GALNTL6: variants seen among roughly 807,000 people sequenced by gnomAD.
The protein encoded by GALNTL6 is polypeptide N-acetylgalactosaminyltransferase-like 6.
Under a neutral mutation model 73.7 loss-of-function variants are expected in GALNTL6, and 46 were observed. The observed-to-expected ratio is 0.62, with a 90% CI of 0.49 to 0.80. The LOEUF is 0.80. GALNTL6 is among the 30% of genes least tolerant of loss of function. GALNTL6 has a pLI of 0.00. For synonymous variants in GALNTL6, 259 were observed against 263.7 expected, an observed-to-expected ratio of 0.98 and a Z score of 0.17; for missense variants, 604 against 755.0, an observed-to-expected ratio of 0.80 and a Z score of 2.34.
At chr4:173,018,971 G>T (rs956280366) in intron 11 of GALNTL6, among the ~76,000 whole-genome samples, 2 of 152,220 alleles carry the variant, frequency 1.3e-5, no homozygotes. Flanking sequence ...GAAGGCAGAT[G>T]TGTGGTAACC....
intron 2 of GALNTL6, among the ~76,000 whole-genome samples, chr4:172,170,857 C>T (rs1483041200): frequency 6.6e-6 from 1 of 152,144 alleles, no homozygotes; most frequent in Non-Finnish European, 1.5e-5. Context: ...ACTACATGCA[C>T]TGAAAATGAG....
chr4:172,533,316 ATTTTTTTTTTTT>A (rs34973148), intron 5 of GALNTL6, among the ~76,000 whole-genome samples: 1 of 77,394 alleles, frequency 1.3e-5, no homozygotes, highest in African/African-American at 5.6e-5. Flanking sequence ...CCCGGCCAGA[ATTTTTTTTTTTT>A]TTTTTTTTTT....
At chr4:171,987,300 T>C (rs1400500737) in intron 2 of GALNTL6, among the ~76,000 whole-genome samples, 1 of 152,198 alleles carries the variant, frequency 6.6e-6, no homozygotes, top group South Asian at 2.1e-4. Context: ...TATAAAGGTT[T>C]GACTGAATAC....
chr4:172,388,814 C>G (rs1743562372), intron 5 of GALNTL6, among the ~76,000 whole-genome samples: 1 of 152,040 alleles, frequency 6.6e-6, no homozygotes, highest in Non-Finnish European at 1.5e-5. Context: ...TTAGTGTTAG[C>G]AACCTGCTTC....
intron 2 of GALNTL6, among the ~76,000 whole-genome samples, chr4:172,113,938 AT>A (rs1560928568): frequency 6.6e-6 from 1 of 152,102 alleles, no homozygotes; most frequent in East Asian, 1.9e-4. Flanking sequence ...AATCTCTTCA[AT>A]TTTGACAATG....
intron 5 of GALNTL6, among the ~76,000 whole-genome samples, chr4:172,665,503 A>G (rs1731611955): frequency 1.3e-5 from 2 of 152,240 alleles, no homozygotes; most frequent in East Asian, 3.8e-4. Context: ...GTAAAAAAGA[A>G]TTGATGATGG....
At chr4:172,658,072 C>T (rs1223155904) in intron 5 of GALNTL6, among the ~76,000 whole-genome samples, 7 of 96,644 alleles carry the variant, frequency 7.2e-5, no homozygotes, top group East Asian at 3.5e-4. Flanking sequence ...ATGGCGTGAA[C>T]CCGGGAGGCG....
intron 12 of GALNTL6, among the ~76,000 whole-genome samples, chr4:173,024,344 G>A (rs1487418377): frequency 6.6e-6 from 1 of 152,174 alleles, no homozygotes; most frequent in African/African-American, 2.4e-5. Flanking sequence ...AGCAAGCAAG[G>A]TATTTATACT....
At chr4:172,173,207 G>A (rs1734888129) in intron 2 of GALNTL6, among the ~76,000 whole-genome samples, 1 of 152,200 alleles carries the variant, frequency 6.6e-6, no homozygotes, top group Non-Finnish European at 1.5e-5. Flanking sequence ...CATTATCGGG[G>A]CAACATGTTT....
intron 7 of GALNTL6, among the ~76,000 whole-genome samples, chr4:172,838,445 C>G (rs924597527): frequency 6.6e-6 from 1 of 152,188 alleles, no homozygotes; most frequent in African/African-American, 2.4e-5. Context: ...GCAGAGGAGT[C>G]TTGCCCATGA....
chr4:172,041,511 G>A (rs1474016619), intron 2 of GALNTL6, among the ~76,000 whole-genome samples: 1 of 152,032 alleles, frequency 6.6e-6, no homozygotes, highest in African/African-American at 2.4e-5. Context: ...ACTGCTAGAG[G>A]AATTCAACAG....
At chr4:171,971,057 C>A (rs1739555245) in intron 2 of GALNTL6, among the ~76,000 whole-genome samples, 1 of 152,166 alleles carries the variant, frequency 6.6e-6, no homozygotes. Flanking sequence ...GAGGAGATGG[C>A]AATGTCTGCA....
chr4:172,469,002 TA>T (rs1260388173), intron 5 of GALNTL6, among the ~76,000 whole-genome samples: 1 of 152,174 alleles, frequency 6.6e-6, no homozygotes, highest in Non-Finnish European at 1.5e-5. Flanking sequence ...GACTTAATCC[TA>T]AGAATGGCAA....
At chr4:172,921,094 C>T (rs925643360) in intron 8 of GALNTL6, among the ~76,000 whole-genome samples, 13 of 151,870 alleles carry the variant, frequency 8.6e-5, no homozygotes, top group African/African-American at 1.2e-4. Flanking sequence ...AGATAATGCC[C>T]GAGGGTGACA....
chr4:171,946,671 A>G (rs554362339), intron 2 of GALNTL6, among the ~76,000 whole-genome samples: 1 of 152,324 alleles, frequency 6.6e-6, no homozygotes, highest in South Asian at 2.1e-4. Flanking sequence ...AAGAGATAAC[A>G]TACTTTGGAT....
chr4:172,396,721 C>A (rs1017242903), intron 5 of GALNTL6, among the ~76,000 whole-genome samples: 1 of 152,042 alleles, frequency 6.6e-6, no homozygotes, highest in East Asian at 1.9e-4. Context: ...ATTGTCAGGG[C>A]TTGTGTTAAA....
chr4:171,998,315 T>A (rs2110752929), intron 2 of GALNTL6, among the ~76,000 whole-genome samples: 1 of 152,270 alleles, frequency 6.6e-6, no homozygotes, highest in East Asian at 1.9e-4. Flanking sequence ...TGTGGAGGTC[T>A]AATGAGTCAA....
intron 2 of GALNTL6, among the ~76,000 whole-genome samples, chr4:172,006,716 A>G (rs6821510): frequency 0.94 from 142,335 of 152,094 alleles, 66,898 homozygotes; most frequent in East Asian, 1. Flanking sequence ...ATCTGACTCC[A>G]CAGTTATTTA....
At chr4:172,112,531 T>C (rs894561883) in intron 2 of GALNTL6, among the ~76,000 whole-genome samples, 1 of 152,084 alleles carries the variant, frequency 6.6e-6, no homozygotes, top group African/African-American at 2.4e-5. Context: ...TGAGAATTCC[T>C]GTTGCTCCAC....
Sources: allele counts gnomAD v4.1 joint callset (sites outside exome capture counted in the v4.1 genomes callset), GRCh38; gene constraint gnomAD v4.1.1; transcripts MANE v1.5; gene names NCBI Gene and HGNC (gene_info 2026-07-23, HGNC 2026-07-21).